The following SLX4IP variants were observed in gnomAD, a reference collection of about 807,000 sequenced individuals.
SLX4IP encodes SLX4 interacting protein, also known as protein SLX4IP.
In SLX4IP, 34 loss-of-function variants were observed where a neutral mutation model predicts 32.9. That is an observed-to-expected ratio of 1.03 (90% CI 0.79 to 1.38). SLX4IP has a LOEUF of 1.38. Ranked by LOEUF, SLX4IP falls within the 40% of genes most tolerant of loss-of-function variation. The pLI is 0.00. For missense variants in SLX4IP, 444 were observed against 479.0 expected (o/e 0.93, Z 0.68); for synonymous variants, 172 against 171.7 (o/e 1.00, Z -0.01).
chr20:10,568,241 AG>A (rs2066418617), intron 4 of SLX4IP, among the ~76,000 whole-genome samples: 1 of 152,212 alleles, frequency 6.6e-6, no homozygotes, highest in Admixed American at 6.5e-5. Context: ...TTGGTGTGGT[AG>A]ACCAGAACAA....
At chr20:10,461,424 T>C (rs1600895091) in intron 2 of SLX4IP, among the ~76,000 whole-genome samples, 2 of 152,340 alleles carry the variant, frequency 1.3e-5, no homozygotes, top group African/African-American at 4.8e-5. Context: ...GCTAGCATAA[T>C]AGGGATAGGG....
intron 2 of SLX4IP, among the ~76,000 whole-genome samples, chr20:10,478,551 A>G (rs1445113157): frequency 6.6e-6 from 1 of 152,250 alleles, no homozygotes; most frequent in Non-Finnish European, 1.5e-5. Flanking sequence ...TAATAACACA[A>G]CTACTTATAG....
chr20:10,466,242 G>A (rs2065379500), intron 2 of SLX4IP, among the ~76,000 whole-genome samples: 1 of 152,086 alleles, frequency 6.6e-6, no homozygotes, highest in Admixed American at 6.6e-5. Flanking sequence ...ATGTTGCCAG[G>A]GTCGCTCTCA....
At chr20:10,485,477 C>G (rs887197289) in intron 2 of SLX4IP, among the ~76,000 whole-genome samples, 1 of 152,042 alleles carries the variant, frequency 6.6e-6, no homozygotes, top group Non-Finnish European at 1.5e-5. Context: ...ATTAGCCGGG[C>G]ATGGTAGTGC....
intron 4 of SLX4IP, among the ~76,000 whole-genome samples, chr20:10,571,385 A>C (rs1317735695): frequency 3.9e-5 from 6 of 152,146 alleles, no homozygotes; most frequent in African/African-American, 7.2e-5. Context: ...AAACCCAGAG[A>C]GTGCCCATGG....
chr20:10,599,423 C>G (rs2066814799), intron 5 of SLX4IP, among the ~76,000 whole-genome samples: 1 of 152,066 alleles, frequency 6.6e-6, no homozygotes, highest in Admixed American at 6.6e-5. Context: ...ATGTTATTCT[C>G]TTTTTTGCTG....
chr20:10,601,717 T>C lies in SLX4IP; in HGVS notation c.317-14T>C. The C allele has an allele frequency of 5.0e-6, 8 of 1,612,030 alleles. No homozygotes were observed. The East Asian group carries it at 1.8e-4, about 36-fold the overall frequency. Reference sequence around the variant, plus strand: ...TTTGACACCTTTAAACTTGTTTTTCTTCATTTTATACAGAACTCTGTGTAT... The same window carrying C: ...TTTGACACCTTTAAACTTGTTTTTCCTCATTTTATACAGAACTCTGTGTAT... On this transcript the variant is annotated splice_polypyrimidine_tract_variant and intron_variant, in intron 5 of 7. Transcript: ENST00000334534.
At chr20:10,591,202 G>T (rs1195459822) in intron 4 of SLX4IP, among the ~76,000 whole-genome samples, 1 of 152,142 alleles carries the variant, frequency 6.6e-6, no homozygotes, top group Admixed American at 6.6e-5. Context: ...CAGATAAAGT[G>T]GCACATAGGT....
At chr20:10,572,202 C>T (rs2066474766) in intron 4 of SLX4IP, among the ~76,000 whole-genome samples, 1 of 152,200 alleles carries the variant, frequency 6.6e-6, no homozygotes, top group African/African-American at 2.4e-5. Flanking sequence ...GTTCAAGTAA[C>T]TTGCCCAAAG....
At chr20:10,508,529 C>G (rs2122425143) in intron 2 of SLX4IP, among the ~76,000 whole-genome samples, 1 of 152,278 alleles carries the variant, frequency 6.6e-6, no homozygotes, top group Non-Finnish European at 1.5e-5. Context: ...GTCTATTAGC[C>G]TTTGATGTGG....
intron 4 of SLX4IP, among the ~76,000 whole-genome samples, chr20:10,575,141 TAGGA>T (rs1965586692): frequency 6.6e-6 from 1 of 152,072 alleles, no homozygotes. Flanking sequence ...GGAAAAGTAA[TAGGA>T]AGGAAAATCA....
intron 4 of SLX4IP, among the ~76,000 whole-genome samples, chr20:10,574,919 C>T (rs1181859533): frequency 6.6e-6 from 1 of 152,088 alleles, no homozygotes; most frequent in Non-Finnish European, 1.5e-5. Flanking sequence ...GTTATCCACC[C>T]GCCTTGGCCT....
chr20:10,599,283 C>T (rs552482101), intron 5 of SLX4IP, among the ~76,000 whole-genome samples: 27 of 152,286 alleles, frequency 1.8e-4, no homozygotes, highest in African/African-American at 6.5e-4. Context: ...AAATTTAGTT[C>T]ACCTTCCATG....
intron 2 of SLX4IP, among the ~76,000 whole-genome samples, chr20:10,539,815 A>T (rs751939158): frequency 2.6e-5 from 4 of 151,980 alleles, no homozygotes; most frequent in African/African-American, 4.8e-5. Context: ...CCACCCCGAG[A>T]GTCTGATTTG....
At chr20:10,495,279 A>G (rs781651245) in intron 2 of SLX4IP, among the ~76,000 whole-genome samples, 37 of 152,106 alleles carry the variant, frequency 2.4e-4, no homozygotes, top group Non-Finnish European at 4.6e-4. Flanking sequence ...TTAAGATTGC[A>G]TATTAAATTT....
intron 1 of SLX4IP, among the ~76,000 whole-genome samples, chr20:10,457,804 G>A (rs2065299403): frequency 6.6e-6 from 1 of 150,732 alleles, no homozygotes; most frequent in East Asian, 1.9e-4. Flanking sequence ...TTGATAGAAT[G>A]TAGCAGGGAA....
chr20:10,613,283 G>C, intron 6 of SLX4IP: 1 of 666,828 alleles, frequency 1.5e-6, no homozygotes, highest in Non-Finnish European at 2.6e-6. Context: ...ATCAGGTTGA[G>C]AGATTCTGCT....
At chr20:10,491,328 C>G (rs1476812401) in intron 2 of SLX4IP, among the ~76,000 whole-genome samples, 1 of 152,124 alleles carries the variant, frequency 6.6e-6, no homozygotes, top group Non-Finnish European at 1.5e-5. Context: ...CCTCAACTCC[C>G]CTGTTTTTTT....
At chr20:10,534,010 G>T (rs1465293603) in intron 2 of SLX4IP, among the ~76,000 whole-genome samples, 1 of 152,122 alleles carries the variant, frequency 6.6e-6, no homozygotes, top group Non-Finnish European at 1.5e-5. Context: ...TGAGTTCCCA[G>T]ATCTTCCTCC....
Sources: gnomAD v4.1 joint callset for allele counts (sites outside exome capture counted in the v4.1 genomes callset) on GRCh38, gnomAD v4.1.1 for gene constraint, MANE v1.5 for transcripts, NCBI Gene and HGNC (gene_info 2026-07-23, HGNC 2026-07-21) for gene names.